The following ARHGEF4 variants were observed in gnomAD, a reference collection of about 807,000 sequenced individuals.
ARHGEF4 encodes the protein Rho guanine nucleotide exchange factor 4, also known as APC-stimulated guanine nucleotide exchange factor 1.
In ARHGEF4, 119 loss-of-function variants were observed where a neutral mutation model predicts 162.0. The ratio of observed to expected loss-of-function variants is 0.73; its 90% CI spans 0.63 to 0.86. The LOEUF is 0.86. Among genes scored for constraint, ARHGEF4 ranks in the 40% least tolerant of loss-of-function variants. ARHGEF4 has a pLI of 0.00. For synonymous variants in ARHGEF4, 1,014 were observed against 979.9 expected, an observed-to-expected ratio of 1.03 and a Z score of -0.65; for missense variants, 2,488 against 2,456.0, an observed-to-expected ratio of 1.01 and a Z score of -0.28.
At chr2:130,851,715 A>G (rs34467205) in intron 1 of ARHGEF4, among the ~76,000 whole-genome samples, 17,374 of 152,260 alleles carry the variant, frequency 0.11, 1,089 homozygotes, top group South Asian at 0.22. Flanking sequence ...TGCTGTCCTC[A>G]GCTCATCCGT....
intron 4 of ARHGEF4, among the ~76,000 whole-genome samples, chr2:131,013,367 G>A (rs1265076900): frequency 2.0e-5 from 3 of 152,178 alleles, no homozygotes; most frequent in Admixed American, 1.3e-4. Context: ...GCTAGAGTGT[G>A]CACTGGATAT....
chr2:130,979,896 A>G (rs1218077014), intron 4 of ARHGEF4, among the ~76,000 whole-genome samples: 1 of 152,020 alleles, frequency 6.6e-6, no homozygotes, highest in East Asian at 1.9e-4. Flanking sequence ...TTACGCTTTG[A>G]TAGAGAGGAA....
At chr2:131,045,959 G>C in intron 13 of ARHGEF4, 79 bp from the exon 14 acceptor site, 1 of 1,540,368 alleles carries the variant, frequency 6.5e-7, no homozygotes, top group Non-Finnish European at 8.8e-7. Context: ...CCCTGGGACG[G>C]ACCCCATGCT....
chr2:130,868,896 G>C (rs1682484889), intron 1 of ARHGEF4, among the ~76,000 whole-genome samples: 1 of 152,176 alleles, frequency 6.6e-6, no homozygotes, highest in African/African-American at 2.4e-5. Context: ...ACATTCCTTG[G>C]CTTATGGCAC....
rs1010685623 is a variant in ARHGEF4, at chr2:131,045,742, G to A, written c.5479+296G>A. The A allele has an allele frequency of 1.6e-4, 235 of 1,432,370 alleles. 1 individual carries two copies. Among genetic ancestry groups the A allele is most frequent in the Non-Finnish European group, 2.0e-4 (221 of 1,096,250 alleles). The allele number at this position is 1,432,370 out of a possible 1,614,324, so 88.7% of individuals were successfully genotyped here. A position where few individuals can be genotyped will look rare whatever the true frequency, so the allele number is the denominator to read the frequency against. Reference sequence around the variant, plus strand: ...GACAGGCATCTGGGGTTGGTGTAGGGATGGAGCTGCTTTCCCCATTTCTAC... The same window carrying A: ...GACAGGCATCTGGGGTTGGTGTAGGAATGGAGCTGCTTTCCCCATTTCTAC... On this transcript the variant is annotated intron_variant, in intron 13 of 13. Coordinates refer to ENST00000409359, the MANE Select transcript of ARHGEF4 (RefSeq NM_001367493.1).
At chr2:130,967,753 C>T (rs770648551) in intron 4 of ARHGEF4, among the ~76,000 whole-genome samples, 2 of 152,200 alleles carry the variant, frequency 1.3e-5, no homozygotes, top group African/African-American at 2.4e-5. Flanking sequence ...GTGCTAAGCA[C>T]GCTGACAGAA....
At chr2:130,870,245 C>T (rs997944780) in intron 1 of ARHGEF4, among the ~76,000 whole-genome samples, 6 of 152,186 alleles carry the variant, frequency 3.9e-5, no homozygotes, top group African/African-American at 7.2e-5. Flanking sequence ...GCAAGGACAA[C>T]GCTGAACAGA....
rs1355048204 is a variant in ARHGEF4 at position 130,915,272 on chromosome 2, C to T, written c.1326C>T (p.Leu442=). The T allele has an allele frequency of 1.9e-6, 3 of 1,550,616 alleles. No individual in the cohort carries two copies. Among genetic ancestry groups the T allele is most frequent in the Middle Eastern group, 1.7e-4 (1 of 5,992 alleles). Residue 442 remains leucine (L), a synonymous_variant, in exon 2 of 14, where the codon CTC becomes CTT. Transcript: ENST00000409359. The part of the protein sequence containing the change: ...DSRSCLVASC[L]TSELVKLSAE... ...GGTCATGTCTGGTGGCTTCATGCCTCACCTCAGAGTTAGTGAAGCTCAGTG... is the reference window on the plus strand; with the variant it reads ...GGTCATGTCTGGTGGCTTCATGCCTTACCTCAGAGTTAGTGAAGCTCAGTG...
At chr2:131,042,432 G>A (rs992788159) in intron 10 of ARHGEF4, among the ~76,000 whole-genome samples, 4 of 152,082 alleles carry the variant, frequency 2.6e-5, no homozygotes, top group Admixed American at 6.6e-5. Flanking sequence ...AACTAATGAC[G>A]ATGTTCCTGT....
At chr2:130,990,788 G>A (rs1416597622) in intron 4 of ARHGEF4, among the ~76,000 whole-genome samples, 5 of 152,002 alleles carry the variant, frequency 3.3e-5, no homozygotes, top group Non-Finnish European at 1.5e-5. Context: ...GAGACCCTCC[G>A]AGAACTCAGT....
At chr2:130,850,478 C>T (rs1681332181) in intron 1 of ARHGEF4, among the ~76,000 whole-genome samples, 1 of 152,248 alleles carries the variant, frequency 6.6e-6, no homozygotes, top group Non-Finnish European at 1.5e-5. Context: ...TCCAGCTGTC[C>T]ATCATCCACA....
intron 5 of ARHGEF4, among the ~76,000 whole-genome samples, chr2:131,029,551 CTTTTTT>C (rs70994734): frequency 2.1e-5 from 3 of 141,034 alleles, no homozygotes; most frequent in Admixed American, 7.0e-5. Flanking sequence ...TGTGCTTTTC[CTTTTTT>C]TTTTTTTTTT....
At chr2:130,960,660 A>G (rs970393191) in intron 4 of ARHGEF4, among the ~76,000 whole-genome samples, 1 of 152,198 alleles carries the variant, frequency 6.6e-6, no homozygotes, top group African/African-American at 2.4e-5. Context: ...GGGATCACCC[A>G]TCTCTTTTAA....
intron 1 of ARHGEF4, among the ~76,000 whole-genome samples, chr2:130,891,710 T>C (rs1206609066): frequency 6.6e-6 from 1 of 152,156 alleles, no homozygotes; most frequent in Non-Finnish European, 1.5e-5. Flanking sequence ...GCGTCTCTTC[T>C]TACCAGGACA....
chr2:130,997,439 C>G (rs115968263), intron 4 of ARHGEF4, among the ~76,000 whole-genome samples: 1 of 152,190 alleles, frequency 6.6e-6, no homozygotes, highest in African/African-American at 2.4e-5. Flanking sequence ...TAATCCAGTG[C>G]CTTTTGTTTC....
At chr2:130,997,863 A>T (rs10190807) in intron 4 of ARHGEF4, among the ~76,000 whole-genome samples, 3 of 151,530 alleles carry the variant, frequency 2.0e-5, no homozygotes, top group African/African-American at 7.3e-5. Context: ...TACTGCCCCC[A>T]CTTAATGCAG....
At chr2:130,885,715 G>A (rs1481191941) in intron 1 of ARHGEF4, among the ~76,000 whole-genome samples, 3 of 151,234 alleles carry the variant, frequency 2.0e-5, no homozygotes, top group East Asian at 1.9e-4. Flanking sequence ...GACTACAGGC[G>A]CCCGCCACCA....
rs547488426 is a variant in ARHGEF4, at chr2:131,041,675, G to A, written c.4896-140G>A. ...GCTTGCCATTTATGGAGAAGAGAGG[G>A]GCTGTGCATCTGATAGTGAGGATGT... On this transcript the variant is annotated intron_variant, in intron 9 of 13. Coordinates refer to ENST00000409359, the MANE Select transcript of ARHGEF4 (RefSeq NM_001367493.1). 8 of 1,259,286 alleles carry A rather than the reference G, an allele frequency of 6.4e-6. No homozygotes were observed. The Admixed American group carries it at 6.6e-5, about 10-fold the overall frequency. The allele number at this position is 1,259,286 out of a possible 1,614,324, so 78.0% of individuals were successfully genotyped here.
chr2:130,845,363 T>C (rs1283663679), intron 1 of ARHGEF4, among the ~76,000 whole-genome samples: 1 of 151,692 alleles, frequency 6.6e-6, no homozygotes, highest in African/African-American at 2.4e-5. Flanking sequence ...TTAAAAAAAT[T>C]AACGTGGCAT....
Sources: gnomAD v4.1 joint callset for allele counts (sites outside exome capture counted in the v4.1 genomes callset) on GRCh38, gnomAD v4.1.1 for gene constraint, MANE v1.5 for transcripts, NCBI Gene and HGNC (gene_info 2026-07-23, HGNC 2026-07-21) for gene names.